Variants in OPHN1 observed in about 807,000 individuals in gnomAD.
OPHN1 encodes the protein oligophrenin-1.
A neutral mutation model predicts 60.7 loss-of-function variants in OPHN1; 11 were observed. The observed-to-expected ratio is 0.18, with a 90% CI of 0.11 to 0.30. OPHN1 has a LOEUF of 0.30. Ranked by LOEUF, OPHN1 falls within the 10% of genes least tolerant of loss-of-function variation. The pLI, the probability that OPHN1 is intolerant of heterozygous loss-of-function variation, is 1.00. For missense variants in OPHN1, 449 were observed against 611.0 expected (o/e 0.73, Z 2.80); for synonymous variants, 226 against 222.6 (o/e 1.02, Z -0.14).
rs1157061395 is a variant in OPHN1, at chrX:68,433,275, G to C, written c.-112C>G. 6 of 380,940 alleles carry C rather than the reference G, an allele frequency of 1.6e-5. No homozygotes were observed. In the South Asian group the frequency reaches 2.9e-4, roughly 19 times the overall value. 31.4% of individuals were successfully genotyped at this position (380,940 alleles called of 1,213,427 possible). A position where few individuals can be genotyped will look rare whatever the true frequency, so the allele number is the denominator to read the frequency against. ...AGCTAACTATCGCAGTCGGATCCCG[G>C]CAGGGTGCTGCCTAGCAAGCAGCAT... On this transcript the variant is annotated 5_prime_UTR_variant, in exon 1 of 25. Coordinates refer to ENST00000355520, the MANE Select transcript of OPHN1 (RefSeq NM_002547.3).
chrX:68,393,038 C>T (rs892303753), intron 2 of OPHN1, among the ~76,000 whole-genome samples: 1 of 112,188 alleles, frequency 8.9e-6, no homozygotes, highest in Non-Finnish European at 1.9e-5. Flanking sequence ...CTGATTAACA[C>T]TCAAGCTGTC....
chrX:68,082,135 C>T (rs2076976497), intron 19 of OPHN1, among the ~76,000 whole-genome samples: 1 of 111,869 alleles, frequency 8.9e-6, no homozygotes, highest in Admixed American at 9.5e-5. Flanking sequence ...CTTCAGGCTC[C>T]ACTTCTAATT....
rs1416570878 is a variant in OPHN1, at chrX:68,042,800, G to C, written c.*4372C>G. 3 of 71,814 alleles carry C rather than the reference G, an allele frequency of 4.2e-5. No individual in the cohort carries two copies. The highest frequency in any genetic ancestry group is 1.1e-4 in the African/African-American group (2 of 18,367). The allele number at this position is 71,814 out of a possible 1,213,427, so 5.9% of individuals were successfully genotyped here. A position where few individuals can be genotyped will look rare whatever the true frequency, so the allele number is the denominator to read the frequency against. On this transcript the variant is annotated 3_prime_UTR_variant, in exon 25 of 25. Coordinates refer to ENST00000355520, the MANE Select transcript of OPHN1 (RefSeq NM_002547.3). ...ACTGTAAACTAGTTCAACCATTGTG[G>C]AAGTCAGTGTGGCGATTCCTCAGGG... is the stretch of plus-strand genomic sequence containing the variant.
rs977967610 is a variant in OPHN1, at chrX:68,042,628, C to T, written c.*4544G>A. The T allele has an allele frequency of 9.7e-6, 1 of 102,906 alleles. No homozygotes were observed. Among genetic ancestry groups the T allele is most frequent in the Non-Finnish European group, 2.0e-5 (1 of 50,507 alleles). 8.5% of individuals were successfully genotyped at this position (102,906 alleles called of 1,213,427 possible). ...AAAAAACACATGAAGAAATGCTCATCATCACTGGCCATCAGAGAAATGCAA... is the reference window on the plus strand; with the variant it reads ...AAAAAACACATGAAGAAATGCTCATTATCACTGGCCATCAGAGAAATGCAA... On this transcript the variant is annotated 3_prime_UTR_variant, in exon 25 of 25. Coordinates refer to ENST00000355520, the MANE Select transcript of OPHN1 (RefSeq NM_002547.3).
chrX:68,411,143 A>ATT (rs5902626), intron 2 of OPHN1, among the ~76,000 whole-genome samples: 5 of 109,499 alleles, frequency 4.6e-5, no homozygotes, highest in Middle Eastern at 4.7e-3. Context: ...TGGTGCTTTT[A>ATT]TTTTTTTAAC....
intron 2 of OPHN1, among the ~76,000 whole-genome samples, chrX:68,369,657 C>T (rs1375826092): frequency 9.1e-6 from 1 of 109,636 alleles, no homozygotes; most frequent in African/African-American, 3.3e-5. Flanking sequence ...TAAAGATTAA[C>T]AGTCTAAGGG....
chrX:68,259,725 C>G (rs762689362), intron 5 of OPHN1, among the ~76,000 whole-genome samples: 2 of 111,704 alleles, frequency 1.8e-5, no homozygotes, highest in South Asian at 7.5e-4. Flanking sequence ...TCACCAGCTA[C>G]TAAGTTGAAG....
chrX:68,252,825 T>C (rs1273447836), intron 5 of OPHN1, among the ~76,000 whole-genome samples: 1 of 111,239 alleles, frequency 9.0e-6, no homozygotes, highest in East Asian at 2.8e-4. Flanking sequence ...GAAGCAGCTT[T>C]ATCTCACACA....
chrX:68,215,551 C>T (rs1042799314), intron 6 of OPHN1, among the ~76,000 whole-genome samples: 54 of 110,091 alleles, frequency 4.9e-4, no homozygotes, highest in Non-Finnish European at 7.4e-4. Flanking sequence ...CCAAACAATC[C>T]CCATGTAGGT....
intron 2 of OPHN1, among the ~76,000 whole-genome samples, chrX:68,415,922 G>A (rs2147781212): frequency 9.3e-6 from 1 of 107,445 alleles, no homozygotes; most frequent in African/African-American, 3.4e-5. Context: ...GGCTGAGGCA[G>A]GAGTATTGCT....
intron 23 of OPHN1, among the ~76,000 whole-genome samples, chrX:68,052,225 G>A (rs1300887523): frequency 9.1e-6 from 1 of 109,319 alleles, no homozygotes; most frequent in Non-Finnish European, 1.9e-5. Flanking sequence ...GGGAGTTGGA[G>A]GTTGCAGTGA....
chrX:68,147,526 G>A (rs2077268844), intron 15 of OPHN1, among the ~76,000 whole-genome samples: 1 of 111,845 alleles, frequency 8.9e-6, no homozygotes, highest in South Asian at 3.7e-4. Context: ...AACAGGAGAT[G>A]ATAAATCCCC....
At chrX:68,223,463 C>T (rs2077673755) in intron 6 of OPHN1, among the ~76,000 whole-genome samples, 1 of 111,911 alleles carries the variant, frequency 8.9e-6, no homozygotes, top group Admixed American at 9.5e-5. Context: ...AATCAAATAC[C>T]TCACATTCCC....
At chrX:68,433,734 G>T (rs1000420361), upstream of OPHN1, 11 of 296,058 alleles carry the variant, frequency 3.7e-5, no homozygotes, top group Non-Finnish European at 5.9e-5. Flanking sequence ...GGTTAAGCCA[G>T]GGCGGCAATG....
intron 6 of OPHN1, among the ~76,000 whole-genome samples, chrX:68,222,526 AC>A (rs1419755927): frequency 9.9e-6 from 1 of 101,119 alleles, no homozygotes; most frequent in African/African-American, 3.6e-5. Flanking sequence ...CTTGGAACCA[AC>A]CCAAATGTCC....
chrX:68,166,406 C>T (rs774461033), intron 15 of OPHN1, among the ~76,000 whole-genome samples: 211 of 110,701 alleles, frequency 1.9e-3, no homozygotes, highest in African/African-American at 6.2e-3. Flanking sequence ...TGGTGGCGGG[C>T]GCCTGTAATC....
chrX:68,202,774 C>T (rs1156972696), intron 10 of OPHN1, among the ~76,000 whole-genome samples: 4 of 110,265 alleles, frequency 3.6e-5, no homozygotes, highest in Non-Finnish European at 5.7e-5. Flanking sequence ...GGATTACAGG[C>T]GTGAGCCACT....
chrX:68,315,743 A>G (rs1290260440), intron 2 of OPHN1, among the ~76,000 whole-genome samples: 1 of 111,610 alleles, frequency 9.0e-6, no homozygotes, highest in Non-Finnish European at 1.9e-5. Context: ...ACACAAAAAA[A>G]ACAGTTGCAT....
At chrX:68,428,639 C>G (rs753963085) in intron 2 of OPHN1, among the ~76,000 whole-genome samples, 7 of 112,176 alleles carry the variant, frequency 6.2e-5, no homozygotes, top group Admixed American at 1.9e-4. Flanking sequence ...AGTATGCATT[C>G]GCTAACTATA....
Sources: gnomAD v4.1 joint callset for allele counts (sites outside exome capture counted in the v4.1 genomes callset) on GRCh38, gnomAD v4.1.1 for gene constraint, MANE v1.5 for transcripts, NCBI Gene and HGNC (gene_info 2026-07-23, HGNC 2026-07-21) for gene names.